DIP2C: variants seen among roughly 807,000 people sequenced by gnomAD.
DIP2C encodes disco-interacting protein 2 homolog C.
Under a neutral mutation model 192.4 loss-of-function variants are expected in DIP2C, and 33 were observed. The ratio of observed to expected loss-of-function variants is 0.17; its 90% CI spans 0.13 to 0.23. DIP2C has a LOEUF of 0.23. DIP2C is among the 10% of genes least tolerant of loss of function. The pLI, the probability that DIP2C is intolerant of heterozygous loss-of-function variation, is 1.00. For synonymous variants in DIP2C, 979 were observed against 864.1 expected (o/e 1.13, Z -2.33); for missense variants, 1,537 against 2,110.1 (o/e 0.73, Z 5.32).
chr10:616,846 C>T lies in DIP2C; in HGVS notation c.85+72648G>A, dbSNP rs570530896. Among the ~76,000 whole-genome samples, 10 of 152,276 alleles carry T rather than the reference C, an allele frequency of 6.6e-5. No individual in the cohort carries two copies. In the South Asian group the frequency reaches 2.1e-3, roughly 32 times the overall value. On this transcript the variant is annotated intron_variant, in intron 1 of 36. Coordinates refer to ENST00000280886, the MANE Select transcript of DIP2C (RefSeq NM_014974.3). The stretch of plus-strand genomic sequence containing the variant: ...AGAGCCACGCCCATCAGCGAGAGGC[C>T]GCCGTGGCCTCTACTCATTTGCAGG...
chr10:526,976 C>T (rs1847092466), intron 1 of DIP2C, among the ~76,000 whole-genome samples: 1 of 152,174 alleles, frequency 6.6e-6, no homozygotes, highest in Admixed American at 6.5e-5. Flanking sequence ...ACTTGCGACA[C>T]CTATAGGCCT....
At position 651,124 on chromosome 10, in the gene DIP2C, C is replaced by A. The variant is rs1172180554; in HGVS notation, c.85+38370G>T. 6 of 717,500 alleles carry A rather than the reference C, an allele frequency of 8.4e-6. No individual in the cohort carries two copies. The highest frequency in any genetic ancestry group is 1.7e-5 in the African/African-American group (1 of 57,272). 44.4% of individuals were successfully genotyped at this position (717,500 alleles called of 1,614,324 possible). On this transcript the variant is annotated intron_variant, in intron 1 of 36. Transcript: ENST00000280886. This position sits in a 1 kb window ranked among gnomAD's most constrained non-coding sequence, Gnocchi z 4.1. ...TCTCCTGGCCAGCTCTCGCCACACT[C>A]AGTCAATGTCCACTGGGGGCCTCAG...
chr10:353,841 T>C (rs1250895635), intron 24 of DIP2C, among the ~76,000 whole-genome samples: 1 of 152,216 alleles, frequency 6.6e-6, no homozygotes, highest in East Asian at 1.9e-4. Context: ...TGGAACGAAT[T>C]TCATGTTTCT....
chr10:280,270 G>A (rs569463936), intron 36 of DIP2C, among the ~76,000 whole-genome samples: 1 of 152,162 alleles, frequency 6.6e-6, no homozygotes, highest in South Asian at 2.1e-4. Context: ...GCTAAGAGGA[G>A]GAAGGAACAA....
intron 22 of DIP2C, among the ~76,000 whole-genome samples, chr10:362,264 C>T (rs1448807222): frequency 1.3e-5 from 2 of 152,194 alleles, no homozygotes; most frequent in East Asian, 3.8e-4. Flanking sequence ...GTGCTGACGA[C>T]CACACTAACA....
intron 9 of DIP2C, among the ~76,000 whole-genome samples, chr10:407,589 C>T (rs1477575184): frequency 1.3e-5 from 2 of 152,134 alleles, no homozygotes; most frequent in Non-Finnish European, 2.9e-5. Flanking sequence ...CTTGCCAACA[C>T]GTGCCCTTTT....
chr10:389,434 C>T (rs573577994), intron 13 of DIP2C, among the ~76,000 whole-genome samples: 11 of 152,266 alleles, frequency 7.2e-5, no homozygotes, highest in Middle Eastern at 3.4e-3. Flanking sequence ...CCAGCCCACC[C>T]GGGGGAAGGA....
intron 1 of DIP2C, among the ~76,000 whole-genome samples, chr10:637,649 A>G (rs556253580): frequency 1.3e-5 from 2 of 152,316 alleles, no homozygotes; most frequent in African/African-American, 4.8e-5. Flanking sequence ...GAGGATTCCA[A>G]TTGTGAATCT....
intron 1 of DIP2C, among the ~76,000 whole-genome samples, chr10:498,892 A>T (rs1845038007): frequency 6.6e-6 from 1 of 152,160 alleles, no homozygotes; most frequent in African/African-American, 2.4e-5. Flanking sequence ...AAGCTTTCTG[A>T]GAGCTGTGAA....
chr10:297,241 T>TACACAC (rs140637166), intron 32 of DIP2C, among the ~76,000 whole-genome samples: 4,978 of 115,552 alleles, frequency 0.043, 178 homozygotes, highest in African/African-American at 0.084. Context: ...CCCCACCACA[T>TACACAC]ACACACACAC....
At chr10:372,220 C>G (rs1211949450) in intron 17 of DIP2C, among the ~76,000 whole-genome samples, 1 of 152,012 alleles carries the variant, frequency 6.6e-6, no homozygotes, top group Non-Finnish European at 1.5e-5. Flanking sequence ...GGACTACAGG[C>G]GCCGCCACCA....
At chr10:548,621 T>G (rs1365536956) in intron 1 of DIP2C, among the ~76,000 whole-genome samples, 6 of 61,498 alleles carry the variant, frequency 9.8e-5, no homozygotes, top group African/African-American at 2.0e-4. Flanking sequence ...GGGGGTGACA[T>G]GGTGTGGTGG....
intron 3 of DIP2C, among the ~76,000 whole-genome samples, chr10:466,113 G>A (rs1036587635): frequency 2.7e-5 from 4 of 147,656 alleles, no homozygotes; most frequent in African/African-American, 9.9e-5. Context: ...AAAGCTGGAG[G>A]CATCACACTA....
At position 594,592 on chromosome 10, in the gene DIP2C, G is replaced by A. The variant is rs561044968; in HGVS notation, c.85+94902C>T. Among the ~76,000 whole-genome samples, 5 of 152,138 alleles carry A rather than the reference G, an allele frequency of 3.3e-5. No homozygotes were observed. The East Asian group carries it at 5.8e-4, about 18-fold the overall frequency. ...ACAAATCATTTTAACATAAGGGAAC[G>A]TGGCTGAGTATAAACCATTTCAACG... On this transcript the variant is annotated intron_variant, in intron 1 of 36. Transcript: ENST00000280886.
chr10:346,504 A>G (rs1162107392), intron 26 of DIP2C, among the ~76,000 whole-genome samples: 5 of 137,426 alleles, frequency 3.6e-5, no homozygotes, highest in African/African-American at 5.8e-5. Flanking sequence ...ACACGCACCC[A>G]GACACATCGC....
At position 399,438 on chromosome 10, in the gene DIP2C, G is replaced by A. The variant is rs78576308; in HGVS notation, c.1150-219C>T. ...ACAGTCGTCTATGATACTGTCACCA[G>A]AGTACAACTGCCTTTATTTTCTGCA... On this transcript the variant is annotated intron_variant, in intron 9 of 36. Coordinates refer to ENST00000280886, the MANE Select transcript of DIP2C (RefSeq NM_014974.3). Among the ~76,000 whole-genome samples, 237 of 152,350 alleles carry A rather than the reference G, an allele frequency of 1.6e-3. 2 individuals carry two copies. The East Asian group carries it at 0.018, about 12-fold the overall frequency.
chr10:363,347 G>A lies in DIP2C; in HGVS notation c.2478-36C>T, dbSNP rs1474404315. ...ACAGGAGCATGGTGAGCACGCGCCG[G>A]GGACGCTCATGCAGCCCTCCCTCCG... On this transcript the variant is annotated intron_variant, in intron 20 of 36. Coordinates refer to ENST00000280886, the MANE Select transcript of DIP2C (RefSeq NM_014974.3). This position sits in a 1 kb window ranked among gnomAD's most constrained non-coding sequence, Gnocchi z 5.4. 8.2e-6 allele frequency: 13 copies of A among 1,588,180 alleles called. No homozygotes were observed. The Admixed American group carries it at 1.8e-4, about 23-fold the overall frequency.
intron 24 of DIP2C, among the ~76,000 whole-genome samples, chr10:353,805 T>C (rs945834646): frequency 1.3e-5 from 2 of 152,200 alleles, no homozygotes; most frequent in Non-Finnish European, 2.9e-5. Context: ...GAACGGACAC[T>C]TATGGTGTGT....
At chr10:332,952 G>C (rs1485309302) in intron 29 of DIP2C, among the ~76,000 whole-genome samples, 1 of 152,198 alleles carries the variant, frequency 6.6e-6, no homozygotes, top group Non-Finnish European at 1.5e-5. Flanking sequence ...GCCCAGGTTG[G>C]AGTGCAGTGG....
Sources: gnomAD v4.1 joint callset for allele counts (sites outside exome capture counted in the v4.1 genomes callset) on GRCh38, gnomAD v4.1.1 for gene constraint, Gnocchi (gnomAD v3.1) non-coding constraint, MANE v1.5 for transcripts, NCBI Gene and HGNC (gene_info 2026-07-23, HGNC 2026-07-21) for gene names.